The following TBC1D16 variants were observed in gnomAD, a reference collection of about 807,000 sequenced individuals.
TBC1D16 encodes the protein CTD-2529O21.1.
In TBC1D16, 58 loss-of-function variants were observed where a neutral mutation model predicts 74.7. The ratio of observed to expected loss-of-function variants is 0.78; its 90% CI spans 0.63 to 0.97. The LOEUF (loss-of-function observed/expected upper bound fraction) is 0.97, where lower values mean the gene tolerates loss of function less well. Among genes scored for constraint, TBC1D16 ranks in the 50% least tolerant of loss-of-function variants. The pLI is 0.00. For synonymous variants in TBC1D16, 493 were observed against 474.7 expected (o/e 1.04, Z -0.50); for missense variants, 1,014 against 1,079.5 (o/e 0.94, Z 0.85).
rs2033621790 is a variant in TBC1D16, at chr17:79,961,713, A to G, written c.780-8895T>C. Among the ~76,000 whole-genome samples, 1 of 152,126 alleles carries G rather than the reference A, an allele frequency of 6.6e-6. No homozygotes were observed. Among genetic ancestry groups the G allele is most frequent in the Non-Finnish European group, 1.5e-5 (1 of 68,016 alleles). On this transcript the variant is annotated intron_variant, in intron 3 of 11. Transcript: ENST00000310924. This position sits in a 1 kb window ranked among gnomAD's most constrained non-coding sequence, Gnocchi z 4.8. The stretch of plus-strand genomic sequence containing the variant: ...ACTGTATCTACCAAAAATACAAAAA[A>G]TCAGCCAGACGTGGTGGCGGGCGCC...
chr17:80,024,056 C>G lies in TBC1D16; in HGVS notation c.-62-10447G>C, dbSNP rs1262007273. The G allele has an allele frequency of 2.2e-5, 3 of 135,308 alleles. No individual in the cohort carries two copies. The East Asian group carries it at 6.0e-4, about 27-fold the overall frequency. 8.4% of individuals were successfully genotyped at this position (135,308 alleles called of 1,614,324 possible). A position where few individuals can be genotyped will look rare whatever the true frequency, so the allele number is the denominator to read the frequency against. Reference sequence around the variant, plus strand: ...CGGCGAGTGCGGGCGGGGCCCAAATCCCTCGCCGGCCGGCTAAGCAGAAGC... The same window carrying G: ...CGGCGAGTGCGGGCGGGGCCCAAATGCCTCGCCGGCCGGCTAAGCAGAAGC... On this transcript the variant is annotated intron_variant, in intron 1 of 11. Transcript: ENST00000310924.
In TBC1D16 at chr17:79,954,064, C is replaced by T. The variant is rs1157502552; in HGVS notation, c.780-1246G>A. Among the ~76,000 whole-genome samples, 1 of 152,204 alleles carries T rather than the reference C, an allele frequency of 6.6e-6. No individual in the cohort carries two copies. The highest frequency in any genetic ancestry group is 1.5e-5 in the Non-Finnish European group (1 of 68,046). On this transcript the variant is annotated intron_variant, in intron 3 of 11. Transcript: ENST00000310924. The surrounding 1 kb of genome is among the most constrained non-coding windows in gnomAD (Gnocchi z 5.5). ...GGATTACAGGCGTGAGCCATCGCGC[C>T]TGACACTCTCTTGAGATTTAATGTC...
At chr17:80,023,197 C>G (rs1358178062) in intron 1 of TBC1D16, among the ~76,000 whole-genome samples, 1 of 150,126 alleles carries the variant, frequency 6.7e-6, no homozygotes, top group Non-Finnish European at 1.5e-5. Context: ...GCCACCCCCT[C>G]CACCCTGCTG....
chr17:79,960,870 C>A (rs968637926), intron 3 of TBC1D16, among the ~76,000 whole-genome samples: 2 of 126,872 alleles, frequency 1.6e-5, no homozygotes, highest in African/African-American at 6.0e-5. Flanking sequence ...AACTCTCCTA[C>A]AATGTGACGG....
At chr17:79,960,807 A>AAAAAAAAAAAAAAAAC (rs2033574287) in intron 3 of TBC1D16, among the ~76,000 whole-genome samples, 3 of 141,622 alleles carry the variant, frequency 2.1e-5, no homozygotes, top group Admixed American at 7.0e-5. Flanking sequence ...AAAAAAAAAA[A>AAAAAAAAAAAAAAAAC]AACGAAGGAA....
At chr17:79,995,083 T>C (rs1298731342) in intron 3 of TBC1D16, among the ~76,000 whole-genome samples, 1 of 151,012 alleles carries the variant, frequency 6.6e-6, no homozygotes, top group Admixed American at 6.6e-5. Flanking sequence ...GCGGATCACC[T>C]GAGGTCAGGA....
At chr17:80,014,837 T>C (rs1816473286) in intron 1 of TBC1D16, among the ~76,000 whole-genome samples, 1 of 151,866 alleles carries the variant, frequency 6.6e-6, no homozygotes, top group East Asian at 1.9e-4. Flanking sequence ...ACCCTGGCCA[T>C]AGGTAGGCTC....
intron 3 of TBC1D16, among the ~76,000 whole-genome samples, chr17:79,953,538 C>T (rs941987107): frequency 1.3e-5 from 2 of 152,104 alleles, no homozygotes; most frequent in Admixed American, 1.3e-4. Flanking sequence ...AGTAATTTGC[C>T]CAAGGTCACA....
intron 3 of TBC1D16, among the ~76,000 whole-genome samples, chr17:79,967,204 G>A (rs1169864905): frequency 6.6e-6 from 1 of 152,064 alleles, no homozygotes; most frequent in Admixed American, 6.6e-5. Flanking sequence ...GTGCTGGAAG[G>A]TCTACCTGGG....
chr17:80,008,055 A>G lies in TBC1D16; in HGVS notation c.779+2105T>C, dbSNP rs2035744376. ...AAAAAAAGTGTCTCCTGGCATTGCC[A>G]TACACCCCCTGGGCACAGACTCGGC... On this transcript the variant is annotated intron_variant, in intron 3 of 11. Coordinates refer to ENST00000310924, the MANE Select transcript of TBC1D16 (RefSeq NM_019020.4). The surrounding 1 kb of genome is among the most constrained non-coding windows in gnomAD (Gnocchi z 4.5). Among the ~76,000 whole-genome samples, 1 of 151,038 alleles carries G rather than the reference A, an allele frequency of 6.6e-6. No homozygotes were observed. The highest frequency in any genetic ancestry group is 1.5e-5 in the Non-Finnish European group (1 of 67,858).
chr17:79,995,661 T>C (rs1272913696), intron 3 of TBC1D16, among the ~76,000 whole-genome samples: 1 of 151,016 alleles, frequency 6.6e-6, no homozygotes, highest in Non-Finnish European at 1.5e-5. Context: ...GGTGGGCGCC[T>C]GTAGTCCCAG....
At position 79,950,286 on chromosome 17, in the gene TBC1D16, G is replaced by A. The variant is rs900540422; in HGVS notation, c.1257+125C>T. 9 of 1,054,164 alleles carry A rather than the reference G, an allele frequency of 8.5e-6. No homozygotes were observed. The highest frequency in any genetic ancestry group is 1.7e-5 in the South Asian group (1 of 59,030). The allele number at this position is 1,054,164 out of a possible 1,614,324, so 65.3% of individuals were successfully genotyped here. A position where few individuals can be genotyped will look rare whatever the true frequency, so the allele number is the denominator to read the frequency against. The stretch of plus-strand genomic sequence containing the variant: ...AGAGAGCCTCACACAAGAAAACGGG[G>A]CCCTCACGAGGAGGTGGCCCGTGGG... On this transcript the variant is annotated intron_variant, in intron 6 of 11. Coordinates refer to ENST00000310924, the MANE Select transcript of TBC1D16 (RefSeq NM_019020.4). The surrounding 1 kb of genome is among the most constrained non-coding windows in gnomAD (Gnocchi z 4.6).
chr17:79,980,285 G>A lies in TBC1D16; in HGVS notation c.780-27467C>T, dbSNP rs1348017833. 2.0e-5 allele frequency among the ~76,000 whole-genome samples: 3 copies of A among 152,130 alleles called. No individual in the cohort carries two copies. The highest frequency in any genetic ancestry group is 7.2e-5 in the African/African-American group (3 of 41,412). On this transcript the variant is annotated intron_variant, in intron 3 of 11. Transcript: ENST00000310924. This position sits in a 1 kb window ranked among gnomAD's most constrained non-coding sequence, Gnocchi z 7.0. Reference sequence around the variant, plus strand: ...TTAAATTTCATGAACTCTTTTTCAGGCTTGCAGCCCAAATTCCCCTTCTCT... The same window carrying A: ...TTAAATTTCATGAACTCTTTTTCAGACTTGCAGCCCAAATTCCCCTTCTCT...
In TBC1D16 at chr17:79,941,485, C is replaced by T. The variant is rs1454278218; in HGVS notation, c.2056-378G>A. On this transcript the variant is annotated intron_variant, in intron 11 of 11. Transcript: ENST00000310924. This position sits in a 1 kb window ranked among gnomAD's most constrained non-coding sequence, Gnocchi z 4.3. ...CCCTCTCTTCTTCCCCCGCACCTTG[C>T]TCCACCCCCCACCCCCAGCAGCCTC... is the stretch of plus-strand genomic sequence containing the variant. 6.6e-6 allele frequency among the ~76,000 whole-genome samples: 1 copy of T among 152,116 alleles called. No individual in the cohort carries two copies. Among genetic ancestry groups the T allele is most frequent in the Non-Finnish European group, 1.5e-5 (1 of 68,014 alleles).
In TBC1D16 at chr17:80,020,134, T is replaced by G. The variant is rs1298500382; in HGVS notation, c.-62-6525A>C. 6.0e-5 allele frequency among the ~76,000 whole-genome samples: 9 copies of G among 149,620 alleles called. No homozygotes were observed. The East Asian group carries it at 1.7e-3, about 29-fold the overall frequency. On this transcript the variant is annotated intron_variant, in intron 1 of 11. Coordinates refer to ENST00000310924, the MANE Select transcript of TBC1D16 (RefSeq NM_019020.4). ...GAGCAGGCCTGGAGCAGCCCCTCCCTCACAGCCTCCTAAGGAAACAATCCT... is the reference window on the plus strand; with the variant it reads ...GAGCAGGCCTGGAGCAGCCCCTCCCGCACAGCCTCCTAAGGAAACAATCCT...
intron 3 of TBC1D16, among the ~76,000 whole-genome samples, chr17:79,968,273 T>G (rs1229294909): frequency 1.3e-5 from 2 of 152,230 alleles, no homozygotes; most frequent in Non-Finnish European, 2.9e-5. Context: ...ATAGGCATGC[T>G]GGGATTCGAG....
At position 79,943,156 on chromosome 17, in the gene TBC1D16, C is replaced by T. The variant is rs75025526; in HGVS notation, c.1909-950G>A. Among the ~76,000 whole-genome samples the T allele has an allele frequency of 4.4e-3, 677 of 152,370 alleles. 2 individuals carry two copies. Among genetic ancestry groups the T allele is most frequent in the African/African-American group, 0.01 (419 of 41,590 alleles). ...GGGCAGAGGCTACAGGTGACTCCCA[C>T]GCCCCAGCCTGCTCCTGGAGAGACC... On this transcript the variant is annotated intron_variant, in intron 10 of 11. Transcript: ENST00000310924.
chr17:80,013,581 C>CGGCCCG lies in TBC1D16; in HGVS notation c.-40_-35dup, dbSNP rs745444371. 2.7e-5 allele frequency: 40 copies of CGGCCCG among 1,460,030 alleles called. No individual in the cohort carries two copies. In the South Asian group the frequency reaches 5.4e-4, roughly 20 times the overall value. The allele number at this position is 1,460,030 out of a possible 1,614,324, so 90.4% of individuals were successfully genotyped here. On this transcript the variant is annotated 5_prime_UTR_variant, in exon 2 of 12. Coordinates refer to ENST00000310924, the MANE Select transcript of TBC1D16 (RefSeq NM_019020.4). ...AAGTGTTTCCATCCTCCGCATGCGT[C>CGGCCCG]GGCCCGGGCAGGGCTCGTCAAGACC...
Position 80,010,613 on chromosome 17 carries a change from G to A in TBC1D16, c.326C>T (p.Pro109Leu), listed in dbSNP as rs761668853. 6.3e-6 allele frequency: 10 copies of A among 1,582,510 alleles called. No individual in the cohort carries two copies. The South Asian group carries it at 1.2e-4, about 18-fold the overall frequency. ...TPESSPVRKA[P>L]RPRGRRTRSS... ...CCGGGTGCGCCGGCCCCGAGGGCGG[G>A]GTGCCTTGCGAACGGGGGAGCTCTC... The change falls in exon 3 of 12, where the codon CCC (proline) becomes CTC (leucine). Residue 109 changes from proline (P) to leucine (L), a missense_variant. Physicochemically the swap from Pro to Leu is moderately conservative, Grantham distance 98 (BLOSUM62 -3). Transcript: ENST00000310924. The surrounding 1 kb of genome is among the most constrained non-coding windows in gnomAD (Gnocchi z 8.8).
Sources: allele counts gnomAD v4.1 joint callset (sites outside exome capture counted in the v4.1 genomes callset), GRCh38; gene constraint gnomAD v4.1.1; non-coding constraint Gnocchi (gnomAD v3.1); transcripts MANE v1.5; gene names NCBI Gene and HGNC (gene_info 2026-07-23, HGNC 2026-07-21).